The following ELF5 variants were observed in gnomAD, a reference collection of about 807,000 sequenced individuals.
ELF5 encodes the protein ETS-related transcription factor Elf-5.
Under a neutral mutation model 38.2 loss-of-function variants are expected in ELF5, and 31 were observed. The ratio of observed to expected loss-of-function variants is 0.81; its 90% CI spans 0.61 to 1.10. ELF5 has a LOEUF of 1.10. Ranked by LOEUF, ELF5 falls within the 50% of genes least tolerant of loss-of-function variation. The probability of loss-of-function intolerance (pLI) is 0.00; values close to 1 mark genes in which losing one functional copy is unlikely to be tolerated. For synonymous variants in ELF5, 121 were observed against 112.5 expected (o/e 1.08, Z -0.48); for missense variants, 300 against 306.6 (o/e 0.98, Z 0.16).
chr11:34,489,912 T>G, intron 4 of ELF5, 97 bp downstream of exon 4: 1 of 1,430,660 alleles, frequency 7.0e-7, no homozygotes, highest in Non-Finnish European at 9.8e-7. Context: ...TTGTTTTGGT[T>G]CATCAGCTTT....
At chr11:34,482,170 T>C (rs1025431060) in intron 5 of ELF5, among the ~76,000 whole-genome samples, 1 of 152,230 alleles carries the variant, frequency 6.6e-6, no homozygotes, top group African/African-American at 2.4e-5. Flanking sequence ...AGGTGTTCAA[T>C]AGACATTTAA....
chr11:34,509,848 G>T (rs1402569257), intron 1 of ELF5, among the ~76,000 whole-genome samples: 2 of 152,188 alleles, frequency 1.3e-5, no homozygotes, highest in Non-Finnish European at 2.9e-5. Context: ...GGAGAAAGGA[G>T]AGGTGAATTC....
At chr11:34,511,835 G>T in intron 1 of ELF5, 1 of 504,708 alleles carries the variant, frequency 2.0e-6, no homozygotes, top group South Asian at 2.6e-5. Context: ...ATTCCTTCCT[G>T]ACTCTGGTGG....
chr11:34,489,007 A>T lies in ELF5; in HGVS notation c.406+1002T>A, dbSNP rs78744060. On this transcript the variant is annotated intron_variant, in intron 4 of 6. Transcript: ENST00000257832. ...TGAGCTTTGTTCACAGGTGGGTGAG[A>T]TGCTACACCCCGGGGCCCCGAGTGA... 1.8e-3 allele frequency among the ~76,000 whole-genome samples: 275 copies of T among 152,254 alleles called. 2 individuals are homozygous for T. In the East Asian group the frequency reaches 0.019, roughly 10 times the overall value.
At chr11:34,495,578 TA>T (rs1281362242) in intron 2 of ELF5, among the ~76,000 whole-genome samples, 1 of 152,246 alleles carries the variant, frequency 6.6e-6, no homozygotes, top group Non-Finnish European at 1.5e-5. Flanking sequence ...AGATCTCTTT[TA>T]CCACCGAAGG....
intron 1 of ELF5, chr11:34,511,554 G>A (rs778184333): frequency 1.2e-6 from 2 of 1,614,256 alleles, no homozygotes; most frequent in South Asian, 2.2e-5. Context: ...CTGTGGGAGT[G>A]AGGCAGAGAT....
At chr11:34,511,795 C>T (rs1254338753) in intron 1 of ELF5, 2 of 551,630 alleles carry the variant, frequency 3.6e-6, no homozygotes, top group African/African-American at 1.9e-5. Flanking sequence ...GCAAACCACT[C>T]AGCCTTGGCC....
chr11:34,497,546 A>T (rs956344089), intron 2 of ELF5, among the ~76,000 whole-genome samples: 5 of 152,138 alleles, frequency 3.3e-5, no homozygotes, highest in Admixed American at 2.6e-4. Flanking sequence ...CAGAAGGAGG[A>T]CTTTAGCTTT....
chr11:34,510,220 A>G (rs938200896), intron 1 of ELF5, among the ~76,000 whole-genome samples: 6 of 152,132 alleles, frequency 3.9e-5, no homozygotes, highest in African/African-American at 1.4e-4. Flanking sequence ...GTTTTTGTAA[A>G]GGGCCTTCTC....
intron 2 of ELF5, among the ~76,000 whole-genome samples, chr11:34,494,878 A>G (rs1353572845): frequency 2.0e-5 from 3 of 152,220 alleles, no homozygotes; most frequent in African/African-American, 7.2e-5. Flanking sequence ...TAAATGACTT[A>G]ATATACATAA....
At chr11:34,497,502 C>A (rs1016726521) in intron 2 of ELF5, among the ~76,000 whole-genome samples, 1 of 152,182 alleles carries the variant, frequency 6.6e-6, no homozygotes, top group African/African-American at 2.4e-5. Flanking sequence ...GGAATTTTCA[C>A]AAGTGATGCT....
intron 2 of ELF5, among the ~76,000 whole-genome samples, chr11:34,494,890 A>C (rs1850279413): frequency 3.3e-5 from 5 of 152,258 alleles, no homozygotes; most frequent in Admixed American, 3.3e-4. Flanking sequence ...TATACATAAA[A>C]GTACCTGGAA....
chr11:34,490,440 A>G (rs1850137343), intron 3 of ELF5, among the ~76,000 whole-genome samples: 1 of 152,052 alleles, frequency 6.6e-6, no homozygotes, highest in South Asian at 2.1e-4. Flanking sequence ...GGTTTTTCTC[A>G]TTGACATCAC....
At chr11:34,505,818 G>A in intron 1 of ELF5, 65 bp from the exon 2 acceptor site, 1 of 1,545,574 alleles carries the variant, frequency 6.5e-7, no homozygotes, top group East Asian at 2.3e-5. Flanking sequence ...CACTGTGCAG[G>A]AGCCCCTAGC....
intron 2 of ELF5, among the ~76,000 whole-genome samples, chr11:34,500,080 A>G (rs1176984817): frequency 6.6e-6 from 1 of 152,170 alleles, no homozygotes; most frequent in African/African-American, 2.4e-5. Context: ...TTATTTTGGG[A>G]ATACATTTGT....
At chr11:34,503,173 T>A (rs1850513562) in intron 2 of ELF5, among the ~76,000 whole-genome samples, 1 of 152,194 alleles carries the variant, frequency 6.6e-6, no homozygotes, top group Non-Finnish European at 1.5e-5. Context: ...AATCCTTTTT[T>A]TTTGACCCAG....
intron 4 of ELF5, among the ~76,000 whole-genome samples, chr11:34,483,368 G>T (rs1028191588): frequency 5.3e-5 from 8 of 151,936 alleles, no homozygotes; most frequent in Non-Finnish European, 8.8e-5. Flanking sequence ...GTGCACACGA[G>T]GGGGCAGGGA....
chr11:34,487,771 G>A (rs117915876), intron 4 of ELF5, among the ~76,000 whole-genome samples: 3,029 of 152,100 alleles, frequency 0.02, 48 homozygotes, highest in Middle Eastern at 0.068. Flanking sequence ...GAATCTGAGC[G>A]GTTCAAGATG....
chr11:34,513,637 C>G (rs1850820157), intron 1 of ELF5, 40 bp downstream of exon 1: 1 of 152,386 alleles, frequency 6.6e-6, no homozygotes, highest in South Asian at 2.1e-4. Context: ...CCCTGACACC[C>G]CTTACGATTC....
Sources: gnomAD v4.1 joint callset for allele counts (sites outside exome capture counted in the v4.1 genomes callset) on GRCh38, gnomAD v4.1.1 for gene constraint, MANE v1.5 for transcripts, NCBI Gene and HGNC (gene_info 2026-07-23, HGNC 2026-07-21) for gene names.